Variants in PCDH15 observed in about 807,000 individuals in gnomAD.
PCDH15 encodes protocadherin-15.
PCDH15 carries 129 observed loss-of-function variants against 178.5 expected under a neutral mutation model. That is an observed-to-expected ratio of 0.72 (90% CI 0.63 to 0.84). PCDH15 has a LOEUF of 0.84. Ranked by LOEUF, PCDH15 falls within the 40% of genes least tolerant of loss-of-function variation. The pLI is 0.00. For missense variants in PCDH15, 2,230 were observed against 2,099.9 expected, an observed-to-expected ratio of 1.06 and a Z score of -1.21; for synonymous variants, 800 against 732.0, an observed-to-expected ratio of 1.09 and a Z score of -1.50.
intron 2 of PCDH15, among the ~76,000 whole-genome samples, chr10:55,134,387 T>C (rs1012057461): frequency 1.1e-4 from 17 of 152,202 alleles, no homozygotes; most frequent in Non-Finnish European, 2.4e-4. Flanking sequence ...CCACTTCAGA[T>C]CCCACATAGC....
At chr10:55,106,570 C>T (rs1401447340) in intron 2 of PCDH15, among the ~76,000 whole-genome samples, 1 of 152,068 alleles carries the variant, frequency 6.6e-6, no homozygotes, top group East Asian at 1.9e-4. Flanking sequence ...CACTCGCCAC[C>T]ACATCCAGCT....
chr10:54,746,838 C>G (rs1289085156), intron 1 of PCDH15, among the ~76,000 whole-genome samples: 1 of 151,928 alleles, frequency 6.6e-6, no homozygotes, highest in Non-Finnish European at 1.5e-5. Context: ...CCAGCGGACA[C>G]CACGTACAAG....
chr10:53,901,916 C>A (rs1346804013), intron 26 of PCDH15, among the ~76,000 whole-genome samples: 1 of 152,180 alleles, frequency 6.6e-6, no homozygotes, highest in Non-Finnish European at 1.5e-5. Flanking sequence ...TTTATCACTA[C>A]ATAACTTACT....
intron 3 of PCDH15, among the ~76,000 whole-genome samples, chr10:54,453,668 A>G (rs922994800): frequency 6.7e-6 from 1 of 149,914 alleles, no homozygotes; most frequent in Non-Finnish European, 1.5e-5. Flanking sequence ...AAAAAAAAGA[A>G]AAAAAAAAGA....
At chr10:54,800,592 AAGT>A (rs966763477) in intron 1 of PCDH15, among the ~76,000 whole-genome samples, 48 of 152,158 alleles carry the variant, frequency 3.2e-4, no homozygotes, top group African/African-American at 1.1e-3. Flanking sequence ...AGGTTGGAGG[AAGT>A]AGAAGAAGTG....
intron 1 of PCDH15, among the ~76,000 whole-genome samples, chr10:54,731,563 T>TATACACAC: frequency 5.2e-4 from 26 of 49,928 alleles, no homozygotes; most frequent in African/African-American, 1.3e-3. Context: ...TATATATATA[T>TATACACAC]ACACACACAC....
Position 54,057,315 on chromosome 10 carries a change from C to T in PCDH15, c.2220+9442G>A, listed in dbSNP as rs769778839. On this transcript the variant is annotated intron_variant, in intron 18 of 37. Transcript: ENST00000644397. ...CAGAGGTTCTCCATGAGGGCTCTGC[C>T]CCTGCAGCATAACTCTGCCTGGACA... Among the ~76,000 whole-genome samples the T allele has an allele frequency of 1.2e-3, 184 of 152,310 alleles. 1 individual carries two copies. The highest frequency in any genetic ancestry group is 2.2e-3 in the Non-Finnish European group (152 of 68,020).
intron 2 of PCDH15, among the ~76,000 whole-genome samples, chr10:54,663,267 G>C (rs1383334921): frequency 6.6e-6 from 1 of 151,688 alleles, no homozygotes; most frequent in Non-Finnish European, 1.5e-5. Context: ...AGAGCAACCA[G>C]TTTGCTTGTC....
chr10:55,369,384 C>T (rs1468864442), intron 2 of PCDH15, among the ~76,000 whole-genome samples: 1 of 151,814 alleles, frequency 6.6e-6, no homozygotes, highest in Non-Finnish European at 1.5e-5. Flanking sequence ...TAGAAATCAA[C>T]AAAGTGTATA....
chr10:54,513,924 T>C (rs955246514), intron 3 of PCDH15, among the ~76,000 whole-genome samples: 1 of 152,328 alleles, frequency 6.6e-6, no homozygotes, highest in South Asian at 2.1e-4. Flanking sequence ...AGATAAAAGG[T>C]GCTGACAGTT....
At chr10:54,233,631 T>C (rs927048393) in intron 9 of PCDH15, among the ~76,000 whole-genome samples, 1 of 152,218 alleles carries the variant, frequency 6.6e-6, no homozygotes, top group Admixed American at 6.5e-5. Context: ...TTTGTAGATA[T>C]CTTTTAGGTC....
intron 1 of PCDH15, among the ~76,000 whole-genome samples, chr10:54,690,870 A>T (rs1197868651): frequency 5.3e-5 from 8 of 152,142 alleles, no homozygotes; most frequent in Non-Finnish European, 1.0e-4. Context: ...GATGACCATC[A>T]TTGAAGGTCA....
intron 9 of PCDH15, among the ~76,000 whole-genome samples, chr10:54,220,709 T>C (rs963041876): frequency 1.3e-4 from 19 of 151,424 alleles, no homozygotes; most frequent in South Asian, 6.3e-4. Flanking sequence ...CCTGTAGTCC[T>C]AGCTACTCCG....
intron 13 of PCDH15, among the ~76,000 whole-genome samples, chr10:54,158,882 C>A (rs531306474): frequency 6.6e-6 from 1 of 152,070 alleles, no homozygotes; most frequent in South Asian, 2.1e-4. Context: ...CTGAGGTGGG[C>A]AGATCACGAG....
At chr10:53,868,570 TTTTAA>T (rs1408869020) in intron 26 of PCDH15, among the ~76,000 whole-genome samples, 5 of 151,824 alleles carry the variant, frequency 3.3e-5, no homozygotes, top group South Asian at 2.1e-4. Context: ...TTCAATCTAA[TTTTAA>T]TTTAAGTTAC....
chr10:53,840,984 C>T (rs991426292), intron 28 of PCDH15, among the ~76,000 whole-genome samples: 1 of 152,014 alleles, frequency 6.6e-6, no homozygotes, highest in Non-Finnish European at 1.5e-5. Flanking sequence ...ATCACAGCAA[C>T]GGGAGAATGT....
intron 25 of PCDH15, among the ~76,000 whole-genome samples, chr10:53,908,417 C>T (rs1175873769): frequency 7.2e-5 from 11 of 152,166 alleles, no homozygotes; most frequent in Non-Finnish European, 1.5e-4. Flanking sequence ...CATGCACATG[C>T]CTTTAATGTG....
At chr10:55,140,356 T>C (rs1231230794) in intron 2 of PCDH15, among the ~76,000 whole-genome samples, 1 of 151,942 alleles carries the variant, frequency 6.6e-6, no homozygotes, top group Non-Finnish European at 1.5e-5. Flanking sequence ...ATGCTGGCTG[T>C]GGAATTTTTG....
intron 2 of PCDH15, among the ~76,000 whole-genome samples, chr10:55,623,471 T>G (rs1408270802): frequency 1.3e-5 from 2 of 152,160 alleles, no homozygotes; most frequent in East Asian, 3.9e-4. Context: ...TGTGAATGGA[T>G]TTTTTTGGGT....
Sources: allele counts gnomAD v4.1 joint callset (sites outside exome capture counted in the v4.1 genomes callset), GRCh38; gene constraint gnomAD v4.1.1; transcripts MANE v1.5; gene names NCBI Gene and HGNC (gene_info 2026-07-23, HGNC 2026-07-21).